Variants in EFR3B observed in about 807,000 individuals in gnomAD.
The protein encoded by EFR3B is EFR3 homolog B.
Under a neutral mutation model 104.7 loss-of-function variants are expected in EFR3B, and 64 were observed. That is an observed-to-expected ratio of 0.61 (90% confidence interval 0.50 to 0.75). The LOEUF is 0.75. Among genes scored for constraint, EFR3B ranks in the 30% least tolerant of loss-of-function variants. EFR3B has a pLI of 0.00. For synonymous variants in EFR3B, 385 were observed against 417.9 expected (o/e 0.92, Z 0.96); for missense variants, 750 against 1,078.5 (o/e 0.70, Z 4.27).
In EFR3B at chr2:25,091,325, G is replaced by T; in HGVS notation, c.8G>T (p.Gly3Val). Reference protein sequence around the residue: MYGVCGCCGALRP... With the variant: MYVVCGCCGALRP... The stretch of plus-strand genomic sequence containing the variant: ...ACAGTTTTTCCCATTCTTATTCCAG[G>T]TGTGTGTGGCTGCTGTGGTGCCCTA... The change falls in exon 2 of 23, where the codon GGT becomes GTT. Residue 3 changes from glycine (G) to valine (V), a missense_variant and splice_region_variant. Coordinates refer to ENST00000403714, the MANE Select transcript of EFR3B (RefSeq NM_014971.2). The T allele has an allele frequency of 6.5e-7, 1 of 1,549,956 alleles. No homozygotes were observed. Among genetic ancestry groups the T allele is most frequent in the East Asian group, 2.5e-5 (1 of 40,726 alleles).
intron 19 of EFR3B, 46 bp downstream of exon 19, chr2:25,145,097 A>G: frequency 1.3e-6 from 2 of 1,524,632 alleles, no homozygotes; most frequent in Non-Finnish European, 1.8e-6. Context: ...CCTCCTGTAG[A>G]TTGGACGCTG....
In EFR3B at chr2:25,056,312, G is replaced by A. The variant is rs949413532; in HGVS notation, c.7+13993G>A. The stretch of plus-strand genomic sequence containing the variant: ...GTTAAGGCCGTTAGAAGGACTTCTC[G>A]TGTATTTCCTCCTTGGTTTGTGGCA... On this transcript the variant is annotated intron_variant, in intron 1 of 22. Coordinates refer to ENST00000403714, the MANE Select transcript of EFR3B (RefSeq NM_014971.2). Among the ~76,000 whole-genome samples the A allele has an allele frequency of 5.9e-5, 9 of 152,208 alleles. No individual in the cohort carries two copies. The East Asian group carries it at 7.7e-4, about 13-fold the overall frequency.
intron 1 of EFR3B, among the ~76,000 whole-genome samples, chr2:25,067,391 A>G (rs1184109656): frequency 6.6e-6 from 1 of 150,622 alleles, no homozygotes; most frequent in Non-Finnish European, 1.5e-5. Context: ...ATGGAATCAT[A>G]TCATAGGTGT....
chr2:25,102,079 G>T (rs956218286), intron 3 of EFR3B, among the ~76,000 whole-genome samples: 1 of 152,148 alleles, frequency 6.6e-6, no homozygotes, highest in South Asian at 2.1e-4. Flanking sequence ...TTGATTCTTG[G>T]CATTTTTCTT....
In EFR3B at chr2:25,042,507, G is replaced by C; in HGVS notation, c.7+188G>C. On this transcript the variant is annotated intron_variant, in intron 1 of 22. Transcript: ENST00000403714. The surrounding 1 kb of genome is among the most constrained non-coding windows in gnomAD (Gnocchi z 5.4). ...GCGAGGACAAAGATGCCTCGGGCCGGGGACCCTGGGGTCCTCTCCAGGCCC... is the reference window on the plus strand; with the variant it reads ...GCGAGGACAAAGATGCCTCGGGCCGCGGACCCTGGGGTCCTCTCCAGGCCC... The C allele has an allele frequency of 8.3e-7, 1 of 1,207,698 alleles. No individual in the cohort carries two copies. The highest frequency in any genetic ancestry group is 1.0e-6 in the Non-Finnish European group (1 of 972,658). The allele number at this position is 1,207,698 out of a possible 1,614,324, so 74.8% of individuals were successfully genotyped here. A position where few individuals can be genotyped will look rare whatever the true frequency, so the allele number is the denominator to read the frequency against.
intron 1 of EFR3B, among the ~76,000 whole-genome samples, chr2:25,055,426 G>A (rs1416095399): frequency 2.6e-5 from 4 of 152,068 alleles, no homozygotes; most frequent in African/African-American, 9.7e-5. Context: ...TATCCTGACC[G>A]AGAGGTTTGT....
chr2:25,097,813 G>A (rs1338923794), intron 3 of EFR3B, among the ~76,000 whole-genome samples: 1 of 152,130 alleles, frequency 6.6e-6, no homozygotes, highest in Non-Finnish European at 1.5e-5. Flanking sequence ...GCAGGGGAGG[G>A]AACAGCAGTG....
rs1669484526 is a variant in EFR3B at position 25,103,701 on chromosome 2, A to T, written c.277A>T (p.Asn93Tyr). ...CATGGCCTGCCACTGCCAGAGCATC[A>T]ACCTCTTCGTGGAGAGCTTCCTCAA... is the stretch of plus-strand genomic sequence containing the variant. ...LLMACHCQSI[N>Y]LFVESFLKMV... Residue 93 changes from asparagine (N) to tyrosine (Y), a missense_variant, in exon 4 of 23, where the codon AAC (asparagine) becomes TAC (tyrosine). By Grantham distance (143) the Asn-to-Tyr change is moderately radical (BLOSUM62 -2). Coordinates refer to ENST00000403714, the MANE Select transcript of EFR3B (RefSeq NM_014971.2). The T allele has an allele frequency of 1.3e-6, 2 of 1,551,662 alleles. No individual in the cohort carries two copies. The highest frequency in any genetic ancestry group is 1.7e-6 in the Non-Finnish European group (2 of 1,146,968).
chr2:25,079,099 C>G (rs940279726), intron 1 of EFR3B, among the ~76,000 whole-genome samples: 3 of 152,164 alleles, frequency 2.0e-5, no homozygotes, highest in Non-Finnish European at 4.4e-5. Flanking sequence ...GCAACTGTCC[C>G]CACCTCTACT....
At chr2:25,101,404 C>T (rs1669427717) in intron 3 of EFR3B, among the ~76,000 whole-genome samples, 1 of 152,186 alleles carries the variant, frequency 6.6e-6, no homozygotes, top group South Asian at 2.1e-4. Flanking sequence ...GGCTGGAGTA[C>T]AGTGGCTCAA....
At chr2:25,101,476 G>A (rs1669430056) in intron 3 of EFR3B, among the ~76,000 whole-genome samples, 1 of 152,110 alleles carries the variant, frequency 6.6e-6, no homozygotes, top group African/African-American at 2.4e-5. Flanking sequence ...CAGCCTTTGA[G>A]TAGCTGGGAT....
In EFR3B at chr2:25,154,202, A is replaced by G; in HGVS notation, c.2349-33A>G. Reference sequence around the variant, plus strand: ...GGTGGGATCCTAAAATTCTCTTTTCATGCCTTTCTCCCCATGTGTTCCTGC... The same window carrying G: ...GGTGGGATCCTAAAATTCTCTTTTCGTGCCTTTCTCCCCATGTGTTCCTGC... On this transcript the variant is annotated intron_variant, in intron 22 of 22. Coordinates refer to ENST00000403714, the MANE Select transcript of EFR3B (RefSeq NM_014971.2). The surrounding 1 kb of genome is among the most constrained non-coding windows in gnomAD (Gnocchi z 4.1). 6.5e-7 allele frequency: 1 copy of G among 1,543,378 alleles called. No homozygotes were observed. The highest frequency in any genetic ancestry group is 8.8e-7 in the Non-Finnish European group (1 of 1,139,944).
chr2:25,138,041 G>T (rs1207602386), intron 15 of EFR3B, among the ~76,000 whole-genome samples: 2 of 152,160 alleles, frequency 1.3e-5, no homozygotes, highest in Non-Finnish European at 2.9e-5. Flanking sequence ...ACGTGGTGGT[G>T]CATGCGTGTA....
intron 1 of EFR3B, among the ~76,000 whole-genome samples, chr2:25,050,680 G>T (rs994623617): frequency 6.6e-6 from 1 of 152,044 alleles, no homozygotes; most frequent in African/African-American, 2.4e-5. Flanking sequence ...AAAAAGCCAG[G>T]AATAAAGTTA....
At chr2:25,044,905 A>G (rs1667675678) in intron 1 of EFR3B, among the ~76,000 whole-genome samples, 1 of 152,074 alleles carries the variant, frequency 6.6e-6, no homozygotes, top group African/African-American at 2.4e-5. Flanking sequence ...ACACAGTGCT[A>G]TCTAGGATAG....
intron 1 of EFR3B, among the ~76,000 whole-genome samples, chr2:25,086,735 A>G (rs1238760637): frequency 6.6e-6 from 1 of 151,962 alleles, no homozygotes; most frequent in African/African-American, 2.4e-5. Context: ...TGGGATTACA[A>G]GCATACGCCA....
At chr2:25,123,569 A>G (rs75538477) in intron 5 of EFR3B, among the ~76,000 whole-genome samples, 1,556 of 152,178 alleles carry the variant, frequency 0.01, 57 homozygotes, top group East Asian at 0.058. Context: ...GGGAGGAAGG[A>G]GCCCCTCATC....
chr2:25,153,075 T>C (rs1214686327), intron 21 of EFR3B, among the ~76,000 whole-genome samples: 2 of 151,780 alleles, frequency 1.3e-5, no homozygotes, highest in East Asian at 3.9e-4. Context: ...TGGCACAGGC[T>C]GGGCACAGTG....
At chr2:25,060,212 C>T (rs575371845) in intron 1 of EFR3B, among the ~76,000 whole-genome samples, 151 of 152,162 alleles carry the variant, frequency 9.9e-4, no homozygotes, top group African/African-American at 3.6e-3. Flanking sequence ...AAAGAAAAGG[C>T]TAAAATGGCA....
Sources: gnomAD v4.1 joint callset for allele counts (sites outside exome capture counted in the v4.1 genomes callset) on GRCh38, gnomAD v4.1.1 for gene constraint, Gnocchi (gnomAD v3.1) non-coding constraint, MANE v1.5 for transcripts, NCBI Gene and HGNC (gene_info 2026-07-23, HGNC 2026-07-21) for gene names.